Variants in STAT1 observed in about 807,000 individuals in gnomAD.
STAT1 encodes signal transducer and activator of transcription 1-alpha/beta.
Under a neutral mutation model 111.7 loss-of-function variants are expected in STAT1, and 24 were observed. The observed-to-expected ratio is 0.21, with a 90% CI of 0.16 to 0.30. The LOEUF is 0.30. Among genes scored for constraint, STAT1 ranks in the 10% least tolerant of loss-of-function variants. The pLI is 1.00. For missense variants in STAT1, 351 were observed against 911.9 expected, an observed-to-expected ratio of 0.38 and a Z score of 7.92; for synonymous variants, 332 against 326.5, an observed-to-expected ratio of 1.02 and a Z score of -0.18.
chr2:191,013,822 C>T (rs1484069670), intron 1 of STAT1, 144 bp from the exon 2 acceptor site: 1 of 395,264 alleles, frequency 2.5e-6, no homozygotes, highest in Non-Finnish European at 4.5e-6. Context: ...CAAGGACAAT[C>T]GTGCTGAGCA....
In STAT1 at chr2:190,999,782, T is replaced by C; in HGVS notation, c.463-78A>G. The C allele has an allele frequency of 2.0e-6, 2 of 1,018,186 alleles. No individual in the cohort carries two copies. The highest frequency in any genetic ancestry group is 3.1e-6 in the Non-Finnish European group (2 of 651,072). The allele number at this position is 1,018,186 out of a possible 1,614,324, so 63.1% of individuals were successfully genotyped here. A position where few individuals can be genotyped will look rare whatever the true frequency, so the allele number is the denominator to read the frequency against. Reference sequence around the variant, plus strand: ...TTTAGGCAACAGAGTATTGCTTCTATGGAACCCAGAGAAACACGAAAACAA... The same window carrying C: ...TTTAGGCAACAGAGTATTGCTTCTACGGAACCCAGAGAAACACGAAAACAA... On this transcript the variant is annotated intron_variant, in intron 6 of 24. Transcript: ENST00000361099. This position sits in a 1 kb window ranked among gnomAD's most constrained non-coding sequence, Gnocchi z 4.1.
Position 190,971,012 on chromosome 2 carries a change from G to A in STAT1, c.2239-295C>T, listed in dbSNP as rs777588246. ...TTGCTGTTATGCAAGTCTGGGGACA[G>A]AGCAACGTGTCAAATCTGCTCATGT... On this transcript the variant is annotated intron_variant, in intron 24 of 24. Transcript: ENST00000361099. This position sits in a 1 kb window ranked among gnomAD's most constrained non-coding sequence, Gnocchi z 4.1. Among the ~76,000 whole-genome samples the A allele has an allele frequency of 1.3e-5, 2 of 152,228 alleles. No individual in the cohort carries two copies. The highest frequency in any genetic ancestry group is 3.8e-4 in the East Asian group (2 of 5,202).
chr2:191,003,745 C>T lies in STAT1; in HGVS notation c.373-2582G>A, dbSNP rs191333845. Reference sequence around the variant, plus strand: ...TTAAACCTCTTTTCTTATAAATTACCCAGTCTCAGGTATTTCTTTATAGCC... The same window carrying T: ...TTAAACCTCTTTTCTTATAAATTACTCAGTCTCAGGTATTTCTTTATAGCC... On this transcript the variant is annotated intron_variant, in intron 5 of 24. Transcript: ENST00000361099. This position sits in a 1 kb window ranked among gnomAD's most constrained non-coding sequence, Gnocchi z 4.0. Among the ~76,000 whole-genome samples the T allele has an allele frequency of 1.6e-4, 24 of 152,294 alleles. No homozygotes were observed. In the East Asian group the frequency reaches 3.9e-3, roughly 24 times the overall value.
At position 191,006,394 on chromosome 2, in the gene STAT1, T is replaced by A. The variant is rs1694701966; in HGVS notation, c.372+1169A>T. ...AGAATAAGCAATATGTATCTTTACA[T>A]GCTCAGTTCAGCAAGATGCTATCAG... On this transcript the variant is annotated intron_variant, in intron 5 of 24. Transcript: ENST00000361099. This position sits in a 1 kb window ranked among gnomAD's most constrained non-coding sequence, Gnocchi z 4.6. Among the ~76,000 whole-genome samples, 1 of 152,220 alleles carries A rather than the reference T, an allele frequency of 6.6e-6. No individual in the cohort carries two copies. Among genetic ancestry groups the A allele is most frequent in the African/African-American group, 2.4e-5 (1 of 41,466 alleles).
rs1574636066 is a variant in STAT1, at chr2:190,974,230, T to C, written c.2238+600A>G. On this transcript the variant is annotated intron_variant, in intron 24 of 24. Transcript: ENST00000361099. This position sits in a 1 kb window ranked among gnomAD's most constrained non-coding sequence, Gnocchi z 4.8. ...AAAAAAGCACCCTCCAAAAGGAAGA[T>C]GTTCCCTTTTGTGGACAATCATATT... Among the ~76,000 whole-genome samples, 2 of 152,178 alleles carry C rather than the reference T, an allele frequency of 1.3e-5. No individual in the cohort carries two copies. Among genetic ancestry groups the C allele is most frequent in the South Asian group, 2.1e-4 (1 of 4,828 alleles).
intron 10 of STAT1, among the ~76,000 whole-genome samples, chr2:190,994,476 G>A (rs1401072058): frequency 1.3e-5 from 2 of 152,080 alleles, no homozygotes; most frequent in African/African-American, 2.4e-5. Flanking sequence ...ATGAGGAGGG[G>A]AGAGGAGGAG....
At chr2:190,992,825 C>T (rs530006699) in intron 10 of STAT1, 54 of 365,766 alleles carry the variant, frequency 1.5e-4, no homozygotes, top group Non-Finnish European at 6.4e-5. Context: ...AGTCTTGCTC[C>T]GTCTCCTAGG....
In STAT1 at chr2:190,997,754, T is replaced by C. The variant is rs752955994; in HGVS notation, c.785+102A>G. ...TGGACTATGTCAAACTCTATACTAA[T>C]GTTTTGACAGGGTCCATTCAACTAA... On this transcript the variant is annotated intron_variant, in intron 9 of 24. Coordinates refer to ENST00000361099, the MANE Select transcript of STAT1 (RefSeq NM_007315.4). This position sits in a 1 kb window ranked among gnomAD's most constrained non-coding sequence, Gnocchi z 7.3. The C allele has an allele frequency of 9.8e-6, 15 of 1,529,700 alleles. No individual in the cohort carries two copies. The highest frequency in any genetic ancestry group is 1.7e-4 in the Middle Eastern group (1 of 5,940). 94.8% of individuals were successfully genotyped at this position (1,529,700 alleles called of 1,614,324 possible). A position where few individuals can be genotyped will look rare whatever the true frequency, so the allele number is the denominator to read the frequency against.
In STAT1 at chr2:190,975,956, C is replaced by A; in HGVS notation, c.2060-69G>T. The A allele has an allele frequency of 7.4e-7, 1 of 1,357,630 alleles. No homozygotes were observed. The highest frequency in any genetic ancestry group is 1.2e-5 in the South Asian group (1 of 84,228). The allele number at this position is 1,357,630 out of a possible 1,614,324, so 84.1% of individuals were successfully genotyped here. A position where few individuals can be genotyped will look rare whatever the true frequency, so the allele number is the denominator to read the frequency against. On this transcript the variant is annotated intron_variant, in intron 22 of 24. Coordinates refer to ENST00000361099, the MANE Select transcript of STAT1 (RefSeq NM_007315.4). The surrounding 1 kb of genome is among the most constrained non-coding windows in gnomAD (Gnocchi z 5.9). ...CCATCAGAATACAACATCAACTTTT[C>A]GGGGGGATTAAAGTTCTACTGTGTT...
Position 190,989,521 on chromosome 2 carries a change from A to G in STAT1, c.1097+94T>C, listed in dbSNP as rs1280533906. The G allele has an allele frequency of 1.1e-6, 1 of 892,426 alleles. No individual in the cohort carries two copies. The highest frequency in any genetic ancestry group is 2.7e-5 in the East Asian group (1 of 36,938). 55.3% of individuals were successfully genotyped at this position (892,426 alleles called of 1,614,324 possible). A position where few individuals can be genotyped will look rare whatever the true frequency, so the allele number is the denominator to read the frequency against. On this transcript the variant is annotated intron_variant, in intron 12 of 24. Transcript: ENST00000361099. The surrounding 1 kb of genome is among the most constrained non-coding windows in gnomAD (Gnocchi z 5.0). Reference sequence around the variant, plus strand: ...CCAGTATAGACCCTTCCACAGCTAGAAATCTGCTTATTTAGTGGAGGAATC... The same window carrying G: ...CCAGTATAGACCCTTCCACAGCTAGGAATCTGCTTATTTAGTGGAGGAATC...
intron 2 of STAT1, among the ~76,000 whole-genome samples, chr2:191,011,560 A>C (rs1424563690): frequency 6.6e-6 from 1 of 152,120 alleles, no homozygotes; most frequent in Non-Finnish European, 1.5e-5. Flanking sequence ...CTCAGACTGC[A>C]AGTGATATGG....
chr2:190,995,975 G>A lies in STAT1; in HGVS notation c.786-756C>T, dbSNP rs771708265. 1.3e-5 allele frequency among the ~76,000 whole-genome samples: 2 copies of A among 152,138 alleles called. No individual in the cohort carries two copies. Among genetic ancestry groups the A allele is most frequent in the African/African-American group, 4.8e-5 (2 of 41,424 alleles). On this transcript the variant is annotated intron_variant, in intron 9 of 24. Transcript: ENST00000361099. This position sits in a 1 kb window ranked among gnomAD's most constrained non-coding sequence, Gnocchi z 4.2. ...AAGAGGCAGCAAAGAGCCACTGCAG[G>A]TTCTGTCAAGAGAGTGGCATCAGCA... is the stretch of plus-strand genomic sequence containing the variant.
At chr2:191,001,520 G>C (rs1212042056) in intron 5 of STAT1, among the ~76,000 whole-genome samples, 1 of 152,140 alleles carries the variant, frequency 6.6e-6, no homozygotes, top group Non-Finnish European at 1.5e-5. Context: ...AAAGCTTTCT[G>C]ATTCAAAGTG....
rs149111757 is a variant in STAT1, at chr2:190,982,438, G to A, written c.1527C>T (p.Val509=). The change falls in exon 18 of 25, where the codon GTC becomes GTT. Residue 509 remains valine, a synonymous_variant. Coordinates refer to ENST00000361099, the MANE Select transcript of STAT1 (RefSeq NM_007315.4). The surrounding 1 kb of genome is among the most constrained non-coding windows in gnomAD (Gnocchi z 7.3). ...SEVLSWQFSS[V]TKRGLNVDQL... ...GGTCCACATTGAGACCTCTTTTGGT[G>A]ACAGAAGAAAACTGCCAACTCAGCA... 1.2e-5 allele frequency: 20 copies of A among 1,614,206 alleles called. No individual in the cohort carries two copies. Among genetic ancestry groups the A allele is most frequent in the Non-Finnish European group, 1.4e-5 (17 of 1,180,032 alleles).
Position 190,982,414 on chromosome 2 carries a change from G to A in STAT1, c.1551C>T (p.Asp517=), listed in dbSNP as rs1692459446. ...GCTTCTCTCCCAACATGTTCAGCTG[G>A]TCCACATTGAGACCTCTTTTGGTGA... ...SSVTKRGLNV[D]QLNMLGEKLL... Residue 517 remains aspartate (D), a synonymous_variant, in exon 18 of 25, where the codon GAC becomes GAT. Transcript: ENST00000361099. The surrounding 1 kb of genome is among the most constrained non-coding windows in gnomAD (Gnocchi z 7.3). 1.2e-6 allele frequency: 2 copies of A among 1,614,028 alleles called. No homozygotes were observed. Among genetic ancestry groups the A allele is most frequent in the South Asian group, 1.1e-5 (1 of 91,086 alleles).
Position 191,007,507 on chromosome 2 carries a change from T to C in STAT1, c.372+56A>G. 1.5e-6 allele frequency: 2 copies of C among 1,313,992 alleles called. No homozygotes were observed. Among genetic ancestry groups the C allele is most frequent in the Admixed American group, 3.4e-5 (2 of 59,334 alleles). 81.4% of individuals were successfully genotyped at this position (1,313,992 alleles called of 1,614,324 possible). A position where few individuals can be genotyped will look rare whatever the true frequency, so the allele number is the denominator to read the frequency against. On this transcript the variant is annotated intron_variant, in intron 5 of 24. Transcript: ENST00000361099. This position sits in a 1 kb window ranked among gnomAD's most constrained non-coding sequence, Gnocchi z 4.2. ...TGACATGGGCCCTAATAGTATTTGA[T>C]GAATGAATACATTTTTATTTTATTA...
rs774611299 is a variant in STAT1, at chr2:190,999,631, T to C, written c.536A>G (p.Asn179Ser). Residue 179 changes from asparagine to serine, a missense_variant, in exon 7 of 25, where the codon AAC becomes AGC. Asn to Ser is a conservative substitution (Grantham distance 46). This residue lies in a region of STAT1 where 67 missense variants were observed against 158.9 expected (regional missense o/e 0.42). Transcript: ENST00000361099. This position sits in a 1 kb window ranked among gnomAD's most constrained non-coding sequence, Gnocchi z 4.1. The part of the protein sequence containing the change: ...EYDFKCKTLQ[N>S]REHETNGVAK... ...CTTCAGTTGTGAACCCTTACCTCTG[T>C]TCTGCAAGGTTTTGCATTTGAAGTC... The C allele has an allele frequency of 1.2e-6, 2 of 1,613,390 alleles. No individual in the cohort carries two copies.
rs904773941 is a variant in STAT1, at chr2:191,004,537, A to T, written c.372+3026T>A. Among the ~76,000 whole-genome samples, 33 of 152,196 alleles carry T rather than the reference A, an allele frequency of 2.2e-4. No individual in the cohort carries two copies. Among genetic ancestry groups the T allele is most frequent in the African/African-American group, 8.0e-4 (33 of 41,456 alleles). On this transcript the variant is annotated intron_variant, in intron 5 of 24. Coordinates refer to ENST00000361099, the MANE Select transcript of STAT1 (RefSeq NM_007315.4). The surrounding 1 kb of genome is among the most constrained non-coding windows in gnomAD (Gnocchi z 5.0). ...CCCATCCCACAGATTAGAAAACTGA[A>T]AAGTGACTTCTCCAGTGAACTAGTT...
At chr2:191,010,077 T>A (rs919873776) in intron 2 of STAT1, 73 bp from the exon 3 acceptor site, 2 of 1,561,822 alleles carry the variant, frequency 1.3e-6, no homozygotes, top group South Asian at 2.3e-5. Flanking sequence ...CTTCCTAGCA[T>A]CAGGTTGTAC....
Sources: gnomAD v4.1 joint callset for allele counts (sites outside exome capture counted in the v4.1 genomes callset) on GRCh38, gnomAD v4.1.1 for gene constraint, gnomAD v4.1.1 regional missense constraint, Gnocchi (gnomAD v3.1) non-coding constraint, MANE v1.5 for transcripts, NCBI Gene and HGNC (gene_info 2026-07-23, HGNC 2026-07-21) for gene names.